CHN2: variants seen among roughly 807,000 people sequenced by gnomAD.
CHN2 encodes the protein chimerin 2, also known as beta-chimaerin.
A neutral mutation model predicts 56.3 loss-of-function variants in CHN2; 35 were observed. The observed-to-expected ratio is 0.62, with a 90% CI of 0.47 to 0.82. The LOEUF (loss-of-function observed/expected upper bound fraction) is 0.82. Among genes scored for constraint, CHN2 ranks in the 40% least tolerant of loss-of-function variants. The pLI is 0.00. For missense variants in CHN2, 491 were observed against 580.5 expected (o/e 0.85, Z 1.58); for synonymous variants, 210 against 212.8 (o/e 0.99, Z 0.12).
chr7:29,213,349 T>C (rs13235466), intron 1 of CHN2: 95,004 of 654,588 alleles, frequency 0.15, 8,392 homozygotes, highest in Non-Finnish European at 0.19. Context: ...GCCTATCCAG[T>C]CAATTTGATG....
In CHN2 at chr7:29,362,641, C is replaced by T. The variant is rs1219770159; in HGVS notation, c.89-5291C>T. On this transcript the variant is annotated intron_variant, in intron 2 of 12. Transcript: ENST00000222792. ...CTGGCCTCTTGCTGACCAGTCAGCT[C>T]ATCATTTCCTTTCCCTGCAGTTCCT... Among the ~76,000 whole-genome samples the T allele has an allele frequency of 2.6e-5, 4 of 152,156 alleles. No homozygotes were observed. The South Asian group carries it at 6.2e-4, about 24-fold the overall frequency.
chr7:29,489,604 A>G (rs929921745), intron 7 of CHN2, among the ~76,000 whole-genome samples: 5 of 152,232 alleles, frequency 3.3e-5, no homozygotes, highest in Admixed American at 6.5e-5. Context: ...AAAATAAACA[A>G]TGGCCCATCA....
intron 8 of CHN2, 111 bp downstream of exon 8, chr7:29,496,147 C>A (rs575594624): frequency 2.4e-6 from 2 of 819,428 alleles, no homozygotes; most frequent in South Asian, 2.1e-5. Context: ...AAAGTCTAGC[C>A]TTCTGCAGGG....
intron 2 of CHN2, among the ~76,000 whole-genome samples, chr7:29,359,826 C>T (rs949194838): frequency 1.3e-5 from 2 of 152,218 alleles, no homozygotes; most frequent in Non-Finnish European, 2.9e-5. Flanking sequence ...AAAAGCCAAT[C>T]ACCATGGTTA....
At chr7:29,252,578 G>GGTTTTTTTTTTTT (rs1554378107) in intron 1 of CHN2, among the ~76,000 whole-genome samples, 1 of 19,488 alleles carries the variant, frequency 5.1e-5, no homozygotes, top group Non-Finnish European at 8.2e-5. Flanking sequence ...TGCATTCTTT[G>GGTTTTTTTTTTTT]TTTTTTTTTT....
chr7:29,391,546 C>G (rs1801373116), intron 3 of CHN2, among the ~76,000 whole-genome samples: 1 of 152,180 alleles, frequency 6.6e-6, no homozygotes, highest in Non-Finnish European at 1.5e-5. Context: ...CCACACAATT[C>G]AGGGCTCTTC....
At chr7:29,451,099 AAGAG>A (rs200684082) in intron 6 of CHN2, among the ~76,000 whole-genome samples, 6 of 152,164 alleles carry the variant, frequency 3.9e-5, no homozygotes, top group East Asian at 1.9e-4. Flanking sequence ...ATAAATAAGA[AAGAG>A]AGAGAAACAA....
At chr7:29,482,793 T>TTTTC (rs1787426462) in intron 7 of CHN2, among the ~76,000 whole-genome samples, 4 of 120,012 alleles carry the variant, frequency 3.3e-5, no homozygotes, top group South Asian at 5.7e-4. Context: ...GTCTGCACTT[T>TTTTC]TTTCTTTTTT....
intron 6 of CHN2, among the ~76,000 whole-genome samples, chr7:29,456,594 C>T (rs1554296736): frequency 6.9e-6 from 1 of 145,720 alleles, no homozygotes; most frequent in African/African-American, 2.6e-5. Context: ...CAGATTCCTG[C>T]CCCTGCCACC....
chr7:29,150,565 C>T (rs1166619251), intron 2 of CHN2, among the ~76,000 whole-genome samples: 1 of 152,194 alleles, frequency 6.6e-6, no homozygotes, highest in East Asian at 1.9e-4. Flanking sequence ...ATCATTTACA[C>T]ATCTTGATCA....
chr7:29,499,858 T>G lies in CHN2; in HGVS notation c.740-9T>G. The G allele has an allele frequency of 1.3e-6, 2 of 1,559,808 alleles. No individual in the cohort carries two copies. The highest frequency in any genetic ancestry group is 1.7e-6 in the Non-Finnish European group (2 of 1,154,576). On this transcript the variant is annotated splice_polypyrimidine_tract_variant and intron_variant, in intron 8 of 12. Transcript: ENST00000222792. Reference sequence around the variant, plus strand: ...CTGGGCTAGGCTAATGTGGCTTCTTTGTTTACAGACTGTGGATTGAACGTA... The same window carrying G: ...CTGGGCTAGGCTAATGTGGCTTCTTGGTTTACAGACTGTGGATTGAACGTA...
chr7:29,400,181 C>A, intron 5 of CHN2: 1 of 255,280 alleles, frequency 3.9e-6, no homozygotes, highest in Non-Finnish European at 8.1e-6. Context: ...GTAAATCAGG[C>A]ATTACCCTCT....
intron 7 of CHN2, among the ~76,000 whole-genome samples, chr7:29,488,216 C>T (rs1406551732): frequency 1.3e-5 from 2 of 152,176 alleles, no homozygotes; most frequent in Non-Finnish European, 2.9e-5. Context: ...TGTTTTCGTA[C>T]ATCTGAAAAG....
intron 1 of CHN2, among the ~76,000 whole-genome samples, chr7:29,351,891 C>A (rs768454553): frequency 6.6e-6 from 1 of 152,114 alleles, no homozygotes; most frequent in Non-Finnish European, 1.5e-5. Context: ...GTTGTGATCT[C>A]CAGTCTCTGC....
Position 29,213,238 on chromosome 7 carries a change from T to G in CHN2, c.49+18248T>G, listed in dbSNP as rs1785090034. ...TGAAGATGAGTGAAATTGATATTAC[T>G]CAGTTTCACTCTGGGTAGTGGCTGA... On this transcript the variant is annotated intron_variant, in intron 1 of 12. Coordinates refer to ENST00000222792, the MANE Select transcript of CHN2 (RefSeq NM_004067.4). 54 of 1,040,630 alleles carry G rather than the reference T, an allele frequency of 5.2e-5. No homozygotes were observed. The South Asian group carries it at 5.4e-4, about 10-fold the overall frequency. The allele number at this position is 1,040,630 out of a possible 1,614,324, so 64.5% of individuals were successfully genotyped here.
At chr7:29,497,131 C>G (rs557495520) in intron 8 of CHN2, among the ~76,000 whole-genome samples, 272 of 152,272 alleles carry the variant, frequency 1.8e-3, no homozygotes, top group African/African-American at 6.4e-3. Flanking sequence ...TCCACCTCCC[C>G]CATTGCAGGT....
intron 1 of CHN2, among the ~76,000 whole-genome samples, chr7:29,347,284 G>A (rs1004624716): frequency 6.6e-6 from 1 of 152,124 alleles, no homozygotes; most frequent in African/African-American, 2.4e-5. Flanking sequence ...TCACCCAGCA[G>A]TTCAACTTCC....
chr7:29,464,863 G>A (rs754943466), intron 6 of CHN2, among the ~76,000 whole-genome samples: 3 of 152,176 alleles, frequency 2.0e-5, no homozygotes, highest in Non-Finnish European at 4.4e-5. Context: ...CCATGGAGAC[G>A]TTCACAGGCT....
chr7:29,232,668 G>A (rs1273951321), intron 1 of CHN2, among the ~76,000 whole-genome samples: 1 of 151,610 alleles, frequency 6.6e-6, no homozygotes, highest in Non-Finnish European at 1.5e-5. Flanking sequence ...ACAGTGTTGG[G>A]GCTTGGTTGA....
Sources: gnomAD v4.1 joint callset for allele counts (sites outside exome capture counted in the v4.1 genomes callset) on GRCh38, gnomAD v4.1.1 for gene constraint, MANE v1.5 for transcripts, NCBI Gene and HGNC (gene_info 2026-07-23, HGNC 2026-07-21) for gene names.